DIRAS2: variants seen among roughly 807,000 people sequenced by gnomAD.
DIRAS2 encodes GTP-binding protein Di-Ras2.
Under a neutral mutation model 13.9 loss-of-function variants are expected in DIRAS2, and 5 were observed. The observed-to-expected ratio is 0.36, with a 90% CI of 0.19 to 0.76. The LOEUF (loss-of-function observed/expected upper bound fraction) is 0.76, where lower values mean the gene tolerates loss of function less well. Among genes scored for constraint, DIRAS2 ranks in the 30% least tolerant of loss-of-function variants. DIRAS2 has a pLI of 0.53. For synonymous variants in DIRAS2, 111 were observed against 105.4 expected (o/e 1.05, Z -0.33); for missense variants, 191 against 263.0 (o/e 0.73, Z 1.89).
chr9:90,614,001 A>C, intron 1 of DIRAS2, 138 bp from the exon 2 acceptor site: 1 of 933,728 alleles, frequency 1.1e-6, no homozygotes, highest in Non-Finnish European at 1.5e-6. Flanking sequence ...AAATCCAATA[A>C]ATTTGGTCAA....
intron 1 of DIRAS2, among the ~76,000 whole-genome samples, chr9:90,631,605 A>G (rs1825325757): frequency 6.6e-6 from 1 of 152,076 alleles, no homozygotes; most frequent in Non-Finnish European, 1.5e-5. Flanking sequence ...CCATCACTGC[A>G]ACTAGCTCGC....
intron 1 of DIRAS2, among the ~76,000 whole-genome samples, chr9:90,640,150 G>C (rs191416571): frequency 6.6e-6 from 1 of 152,282 alleles, no homozygotes; most frequent in East Asian, 1.9e-4. Flanking sequence ...AATTTCAGCT[G>C]TTTCTCTTTA....
chr9:90,632,893 G>C (rs1445242954), intron 1 of DIRAS2, among the ~76,000 whole-genome samples: 4 of 152,214 alleles, frequency 2.6e-5, no homozygotes, highest in African/African-American at 9.6e-5. Flanking sequence ...TGCAACCACA[G>C]AACACTAGTG....
chr9:90,623,215 T>A (rs1433658402), intron 1 of DIRAS2, among the ~76,000 whole-genome samples: 2 of 152,212 alleles, frequency 1.3e-5, no homozygotes, highest in Non-Finnish European at 2.9e-5. Context: ...AAATGTCTGC[T>A]GGTCTGTGGT....
At chr9:90,620,212 A>C (rs1336996722) in intron 1 of DIRAS2, among the ~76,000 whole-genome samples, 3 of 152,186 alleles carry the variant, frequency 2.0e-5, no homozygotes, top group Non-Finnish European at 4.4e-5. Flanking sequence ...TTACTTAAAA[A>C]CAGACATGAG....
At chr9:90,635,962 T>C (rs1423065526) in intron 1 of DIRAS2, among the ~76,000 whole-genome samples, 1 of 147,822 alleles carries the variant, frequency 6.8e-6, no homozygotes, top group African/African-American at 2.5e-5. Flanking sequence ...GTTTATATAA[T>C]AGAAGTGGAA....
At chr9:90,633,429 G>A (rs1235894563) in intron 1 of DIRAS2, among the ~76,000 whole-genome samples, 1 of 152,182 alleles carries the variant, frequency 6.6e-6, no homozygotes, top group East Asian at 1.9e-4. Context: ...TTTTATGGGA[G>A]GAATCATTGG....
chr9:90,620,463 A>T (rs1564019511), intron 1 of DIRAS2, among the ~76,000 whole-genome samples: 1 of 152,348 alleles, frequency 6.6e-6, no homozygotes. Flanking sequence ...TACCTTAAGA[A>T]AAAGCAATAC....
chr9:90,620,282 G>C (rs912886785), intron 1 of DIRAS2, among the ~76,000 whole-genome samples: 17 of 152,158 alleles, frequency 1.1e-4, no homozygotes, highest in Non-Finnish European at 2.1e-4. Context: ...CACACATATA[G>C]AGCATCAGGT....
intron 1 of DIRAS2, among the ~76,000 whole-genome samples, chr9:90,616,736 CAAAAAAA>C (rs11422558): frequency 5.9e-4 from 52 of 88,506 alleles, no homozygotes; most frequent in Non-Finnish European, 9.4e-4. Context: ...GACTCCATCA[CAAAAAAA>C]AAAAAAAAAA....
At chr9:90,622,925 A>G (rs1255661705) in intron 1 of DIRAS2, among the ~76,000 whole-genome samples, 1 of 151,822 alleles carries the variant, frequency 6.6e-6, no homozygotes, top group African/African-American at 2.4e-5. Flanking sequence ...CAACATTCCA[A>G]CCCCTATATC....
At chr9:90,619,314 G>T (rs375657563) in intron 1 of DIRAS2, among the ~76,000 whole-genome samples, 1 of 151,144 alleles carries the variant, frequency 6.6e-6, no homozygotes, top group East Asian at 2.0e-4. Context: ...ATGGTGGCAG[G>T]TGCCTGTAAT....
intron 1 of DIRAS2, among the ~76,000 whole-genome samples, chr9:90,632,994 C>A (rs1238896988): frequency 2.6e-5 from 4 of 152,128 alleles, no homozygotes; most frequent in African/African-American, 4.8e-5. Flanking sequence ...GAAGCCAGAC[C>A]AAGACCACGT....
At chr9:90,628,001 A>G (rs747537520) in intron 1 of DIRAS2, among the ~76,000 whole-genome samples, 6 of 151,770 alleles carry the variant, frequency 4.0e-5, no homozygotes, top group Non-Finnish European at 8.8e-5. Flanking sequence ...CACATTCTGC[A>G]TAAGTAGCCC....
At chr9:90,628,030 A>G (rs1825288244) in intron 1 of DIRAS2, among the ~76,000 whole-genome samples, 1 of 122,060 alleles carries the variant, frequency 8.2e-6, no homozygotes, top group South Asian at 2.4e-4. Context: ...AAATTTAAAA[A>G]AAAGAAAAAG....
chr9:90,625,723 T>C (rs1280770579), intron 1 of DIRAS2, among the ~76,000 whole-genome samples: 1 of 152,228 alleles, frequency 6.6e-6, no homozygotes, highest in Non-Finnish European at 1.5e-5. Context: ...ACTGTAACTT[T>C]GTAGTAGATT....
intron 1 of DIRAS2, among the ~76,000 whole-genome samples, chr9:90,641,273 G>T (rs753425043): frequency 1.3e-5 from 2 of 152,190 alleles, no homozygotes; most frequent in Non-Finnish European, 1.5e-5. Context: ...AACAAAGAAA[G>T]ATTCTGGAGG....
At position 90,613,548 on chromosome 9, in the gene DIRAS2, A is replaced by G; in HGVS notation, c.280T>C (p.Leu94=). Residue 94 remains leucine, a synonymous_variant, in exon 2 of 2, where the codon TTG becomes CTG. Coordinates refer to ENST00000375765, the MANE Select transcript of DIRAS2 (RefSeq NM_017594.5). The surrounding 1 kb of genome is among the most constrained non-coding windows in gnomAD (Gnocchi z 5.6). The part of the protein sequence containing the change: ...LVYSITSRQS[L]EELKPIYEQI... ...TCGTAGATGGGCTTGAGCTCCTCCA[A>G]GGACTGTCGGCTGGTAATGGAGTAC... The G allele has an allele frequency of 6.2e-7, 1 of 1,614,080 alleles. No individual in the cohort carries two copies. Among genetic ancestry groups the G allele is most frequent in the Admixed American group, 1.7e-5 (1 of 60,012 alleles).
rs1825105938 is a variant in DIRAS2, at chr9:90,610,830, C to T, written c.*2398G>A. On this transcript the variant is annotated 3_prime_UTR_variant, in exon 2 of 2. Transcript: ENST00000375765. ...AAAAATATGAAGGAAAAAATGTGTCCTGAATGAAATCAGACTTTCAGTAAT... is the reference window on the plus strand; with the variant it reads ...AAAAATATGAAGGAAAAAATGTGTCTTGAATGAAATCAGACTTTCAGTAAT... 6.2e-6 allele frequency: 1 copy of T among 162,224 alleles called. No homozygotes were observed. The highest frequency in any genetic ancestry group is 1.3e-5 in the Non-Finnish European group (1 of 74,856). The allele number at this position is 162,224 out of a possible 1,614,324, so 10.0% of individuals were successfully genotyped here.
Sources: gnomAD v4.1 joint callset for allele counts (sites outside exome capture counted in the v4.1 genomes callset) on GRCh38, gnomAD v4.1.1 for gene constraint, Gnocchi (gnomAD v3.1) non-coding constraint, MANE v1.5 for transcripts, NCBI Gene and HGNC (gene_info 2026-07-23, HGNC 2026-07-21) for gene names.